Variants in TAFA2 observed in about 807,000 individuals in gnomAD.
The protein encoded by TAFA2 is TAFA chemokine like family member 2.
TAFA2 carries 7 observed loss-of-function variants against 18.8 expected under a neutral mutation model. The observed-to-expected ratio is 0.37, with a 90% CI of 0.21 to 0.70. The LOEUF (loss-of-function observed/expected upper bound fraction) is 0.70. TAFA2 is among the 30% of genes least tolerant of loss of function. The pLI is 0.53. For missense variants in TAFA2, 122 were observed against 158.1 expected (o/e 0.77, Z 1.23); for synonymous variants, 60 against 54.2 (o/e 1.11, Z -0.47).
intron 1 of TAFA2, among the ~76,000 whole-genome samples, chr12:61,937,490 A>G (rs1877817589): frequency 6.6e-6 from 1 of 152,138 alleles, no homozygotes; most frequent in African/African-American, 2.4e-5. Context: ...GAGAACCCAG[A>G]AAAAAAGCCA....
In TAFA2 at chr12:61,755,021, T is replaced by C. The variant is rs1869197229; in HGVS notation, c.110A>G (p.His37Arg). Residue 37 changes from histidine to arginine, a missense_variant, in exon 3 of 5, where the codon CAC (histidine) becomes CGC (arginine). Physicochemically the swap from His to Arg is conservative, Grantham distance 29 (BLOSUM62 0). Coordinates refer to ENST00000416284, the MANE Select transcript of TAFA2 (RefSeq NM_178539.5). ...CTCACAAGTTCCCGTTTTAACATGG[T>C]GAGCTGCACAAACAAAAAAGATAAG... ...VVSSANHHKA[H>R]HVKTGTCEVV... is the part of the protein sequence containing the mutation. 1 of 1,612,456 alleles carries C rather than the reference T, an allele frequency of 6.2e-7. No individual in the cohort carries two copies. The highest frequency in any genetic ancestry group is 1.3e-5 in the African/African-American group (1 of 74,828).
chr12:61,738,119 G>T (rs796871705), intron 4 of TAFA2, among the ~76,000 whole-genome samples: 5 of 151,782 alleles, frequency 3.3e-5, no homozygotes, highest in African/African-American at 1.2e-4. Flanking sequence ...GTTTCTACTT[G>T]GTGTTTTGTG....
intron 1 of TAFA2, among the ~76,000 whole-genome samples, chr12:62,044,780 T>A (rs945436761): frequency 3.3e-5 from 5 of 152,128 alleles, no homozygotes; most frequent in African/African-American, 4.8e-5. Context: ...CAAATGCTGG[T>A]TGAACAGCTG....
chr12:61,817,842 C>T (rs1872148065), intron 2 of TAFA2, among the ~76,000 whole-genome samples: 1 of 152,194 alleles, frequency 6.6e-6, no homozygotes, highest in South Asian at 2.1e-4. Context: ...CCAACCTCTA[C>T]CTACCTTCAG....
intron 1 of TAFA2, among the ~76,000 whole-genome samples, chr12:61,942,470 T>A (rs1215125633): frequency 6.7e-6 from 1 of 149,086 alleles, no homozygotes; most frequent in Non-Finnish European, 1.5e-5. Flanking sequence ...TTTGACGAGC[T>A]GAGAGAAGAA....
intron 1 of TAFA2, among the ~76,000 whole-genome samples, chr12:61,923,943 CA>C (rs1450703039): frequency 1.3e-5 from 2 of 150,752 alleles, no homozygotes; most frequent in Non-Finnish European, 2.9e-5. Context: ...GAAACATACA[CA>C]AGTATCAATA....
intron 1 of TAFA2, among the ~76,000 whole-genome samples, chr12:62,199,309 G>A (rs561877743): frequency 6.6e-6 from 1 of 152,194 alleles, no homozygotes; most frequent in African/African-American, 2.4e-5. Context: ...CATCACCTGG[G>A]TATTATACCC....
intron 1 of TAFA2, among the ~76,000 whole-genome samples, chr12:62,048,049 T>A (rs1401594066): frequency 1.3e-5 from 2 of 152,256 alleles, no homozygotes; most frequent in Admixed American, 1.3e-4. Context: ...TGATTAGAGA[T>A]TGCTTCTAAT....
intron 1 of TAFA2, among the ~76,000 whole-genome samples, chr12:62,203,760 CA>C (rs1231088274): frequency 1.3e-5 from 2 of 152,204 alleles, no homozygotes; most frequent in South Asian, 2.1e-4. Context: ...TTGAATACAA[CA>C]TACCAATGGG....
At chr12:61,749,332 AATGGCATACT>A (rs1297264664) in intron 4 of TAFA2, among the ~76,000 whole-genome samples, 1 of 152,026 alleles carries the variant, frequency 6.6e-6, no homozygotes, top group East Asian at 1.9e-4. Context: ...TCCTCCATTC[AATGGCATACT>A]CCTTGTGGGC....
chr12:62,202,956 A>G (rs1407425631), intron 1 of TAFA2, among the ~76,000 whole-genome samples: 1 of 147,080 alleles, frequency 6.8e-6, no homozygotes, highest in East Asian at 2.1e-4. Context: ...CCTCCTTTGT[A>G]GCTGGGACTA....
At chr12:61,864,767 C>T (rs1167813197) in intron 2 of TAFA2, among the ~76,000 whole-genome samples, 1 of 105,724 alleles carries the variant, frequency 9.5e-6, no homozygotes, top group Non-Finnish European at 1.8e-5. Flanking sequence ...AGTGAGACTC[C>T]GTCTCAAAAA....
At chr12:61,896,777 A>T (rs1875863394) in intron 1 of TAFA2, among the ~76,000 whole-genome samples, 1 of 152,168 alleles carries the variant, frequency 6.6e-6, no homozygotes, top group African/African-American at 2.4e-5. Context: ...CCAAATGCTA[A>T]ATATATATTC....
chr12:61,949,660 A>G (rs1878398212), intron 1 of TAFA2, among the ~76,000 whole-genome samples: 1 of 152,086 alleles, frequency 6.6e-6, no homozygotes. Context: ...TAAATCATAT[A>G]TATCTCCCAC....
chr12:62,067,085 T>C (rs1313059173), intron 1 of TAFA2, among the ~76,000 whole-genome samples: 3 of 152,146 alleles, frequency 2.0e-5, no homozygotes, highest in Non-Finnish European at 4.4e-5. Context: ...CACCTTTTCA[T>C]ATGCCTGTTT....
intron 1 of TAFA2, among the ~76,000 whole-genome samples, chr12:62,036,483 T>C (rs546725025): frequency 6.6e-6 from 1 of 152,302 alleles, no homozygotes; most frequent in East Asian, 1.9e-4. Flanking sequence ...GGGCCACTAG[T>C]TATGTACTTC....
In TAFA2 at chr12:61,998,655, T is replaced by G. The variant is rs117216888; in HGVS notation, c.-1-131229A>C. On this transcript the variant is annotated intron_variant, in intron 1 of 4. Transcript: ENST00000416284. ...AGGTCTCACAGCTGGAAGCCAGAAT[T>G]TAAAGCCATGAAGTCTGGCTCCATA... Among the ~76,000 whole-genome samples, 888 of 152,310 alleles carry G rather than the reference T, an allele frequency of 5.8e-3. 6 individuals carry two copies. Among genetic ancestry groups the G allele is most frequent in the Non-Finnish European group, 9.1e-3 (617 of 68,018 alleles).
chr12:62,193,625 T>A (rs368042698), upstream of TAFA2, among the ~76,000 whole-genome samples: 26 of 152,362 alleles, frequency 1.7e-4, no homozygotes, highest in Non-Finnish European at 3.1e-4. Context: ...GTTGAGGTGG[T>A]CATTTTTATA....
intron 1 of TAFA2, among the ~76,000 whole-genome samples, chr12:62,058,706 T>A (rs348668): frequency 0.83 from 125,653 of 152,130 alleles, 52,088 homozygotes; most frequent in Middle Eastern, 0.87. Flanking sequence ...CACGCTTGTA[T>A]TCTCGTCATT....
Sources: allele counts gnomAD v4.1 joint callset (sites outside exome capture counted in the v4.1 genomes callset), GRCh38; gene constraint gnomAD v4.1.1; transcripts MANE v1.5; gene names NCBI Gene and HGNC (gene_info 2026-07-23, HGNC 2026-07-21).